The following P2RX5 variants were observed in gnomAD, a reference collection of about 807,000 sequenced individuals.
P2RX5 encodes the protein P2X purinoceptor 5.
In P2RX5, 46 loss-of-function variants were observed where a neutral mutation model predicts 54.1. That is an observed-to-expected ratio of 0.85 (90% CI 0.67 to 1.09). P2RX5 has a LOEUF of 1.09. Ranked by LOEUF, P2RX5 falls within the 50% of genes least tolerant of loss-of-function variation. The pLI is 0.00. For missense variants in P2RX5, 566 were observed against 549.8 expected (o/e 1.03, Z -0.29); for synonymous variants, 226 against 226.4 (o/e 1.00, Z 0.02).
intron 11 of P2RX5, chr17:3,675,629 G>A: frequency 2.2e-6 from 2 of 892,160 alleles, no homozygotes; most frequent in Non-Finnish European, 2.7e-6. Context: ...TCAGCTCACT[G>A]CAACCTCTGC....
At chr17:3,683,729 C>CAAA (rs59622313) in intron 9 of P2RX5, among the ~76,000 whole-genome samples, 3 of 58,594 alleles carry the variant, frequency 5.1e-5, no homozygotes, top group African/African-American at 1.7e-4. Context: ...GACTCCGTCT[C>CAAA]AAAAAAAAAA....
chr17:3,718,273 T>G, the P2RX5 span: 6 of 152,366 alleles, frequency 3.9e-5, no homozygotes, highest in South Asian at 1.2e-3. Flanking sequence ...TGGAAACTGT[T>G]TCATCCCTGA....
At chr17:3,701,884 T>C in the P2RX5 span, among the ~76,000 whole-genome samples, 1 of 151,286 alleles carries the variant, frequency 6.6e-6, no homozygotes. Flanking sequence ...GCCTCCCAAA[T>C]AGCTGGGACT....
At chr17:3,716,833 G>A in the P2RX5 span, 1 of 1,261,892 alleles carries the variant, frequency 7.9e-7, no homozygotes, top group Non-Finnish European at 1.2e-6. Flanking sequence ...AATAAATCAG[G>A]TGAAGCAAAC....
At chr17:3,712,329 A>C in the P2RX5 span, among the ~76,000 whole-genome samples, 1 of 152,202 alleles carries the variant, frequency 6.6e-6, no homozygotes, top group Non-Finnish European at 1.5e-5. Context: ...GATGGTGCCC[A>C]ACAGCCTAGT....
chr17:3,713,785 A>AATAAAAT, the P2RX5 span, among the ~76,000 whole-genome samples: 1 of 152,094 alleles, frequency 6.6e-6, no homozygotes, highest in African/African-American at 2.4e-5. Flanking sequence ...AAAATTAAAA[A>AATAAAAT]ATAAATCGCA....
At chr17:3,674,188 G>T (rs535327376) in intron 11 of P2RX5, among the ~76,000 whole-genome samples, 10 of 152,330 alleles carry the variant, frequency 6.6e-5, no homozygotes, top group Admixed American at 2.0e-4. Context: ...GCGAGCGCCT[G>T]TAGTCCCAGC....
At chr17:3,675,385 C>G in intron 11 of P2RX5, 2 of 985,262 alleles carry the variant, frequency 2.0e-6, no homozygotes, top group Non-Finnish European at 2.4e-6. Context: ...TATGACTATC[C>G]TCAGGTTCTG....
intron 9 of P2RX5, 31 bp from the exon 10 acceptor site, chr17:3,682,009 C>T (rs755403005): frequency 6.7e-7 from 1 of 1,491,000 alleles, no homozygotes. Flanking sequence ...ATTCAGAATC[C>T]TAGACCTCTG....
rs1597693556 is a variant in P2RX5, at chr17:3,677,481, T to C, written c.1259+2109A>G. ...TCCAGTCCTTTCCTGGTTGCCTCCA[T>C]GGCCACCTTTAAATTTTATCCTTGG... On this transcript the variant is annotated intron_variant, in intron 11 of 11. Coordinates refer to ENST00000225328, the MANE Select transcript of P2RX5 (RefSeq NM_002561.4). 33 of 985,458 alleles carry C rather than the reference T, an allele frequency of 3.3e-5. 1 individual carries two copies. The South Asian group carries it at 1.5e-3, about 43-fold the overall frequency. The allele number at this position is 985,458 out of a possible 1,614,324, so 61.0% of individuals were successfully genotyped here.
chr17:3,701,759 TTG>T, the P2RX5 span, among the ~76,000 whole-genome samples: 135 of 121,808 alleles, frequency 1.1e-3, no homozygotes, highest in African/African-American at 3.3e-3. Context: ...TTTTTTTTTT[TTG>T]TTTTTTTTTT....
At chr17:3,707,731 C>T in the P2RX5 span, among the ~76,000 whole-genome samples, 1 of 152,066 alleles carries the variant, frequency 6.6e-6, no homozygotes, top group Non-Finnish European at 1.5e-5. Context: ...GCCCCCAGGA[C>T]TGCAACTGGC....
At chr17:3,700,534 A>G (rs1330675872), upstream of P2RX5, among the ~76,000 whole-genome samples, 1 of 57,178 alleles carries the variant, frequency 1.7e-5, no homozygotes, top group East Asian at 4.7e-4. Flanking sequence ...CTCTGGCTCG[A>G]AAAAAAAAAA....
intron 9 of P2RX5, among the ~76,000 whole-genome samples, chr17:3,684,576 T>C (rs912871342): frequency 1.3e-5 from 2 of 152,202 alleles, no homozygotes; most frequent in African/African-American, 4.8e-5. Flanking sequence ...CACTCCAGCC[T>C]GGGCAACAGA....
the P2RX5 span, chr17:3,716,601 A>G: frequency 1.3e-6 from 1 of 785,770 alleles, no homozygotes; most frequent in Non-Finnish European, 2.2e-6. Flanking sequence ...CAGCTGCTCT[A>G]AGTCAGAGGT....
chr17:3,704,258 A>G, the P2RX5 span, among the ~76,000 whole-genome samples: 51,181 of 151,978 alleles, frequency 0.34, 9,503 homozygotes, highest in South Asian at 0.58. Flanking sequence ...GGAGATTTGA[A>G]TCTCTCCTGG....
rs149082947 is a variant in P2RX5, at chr17:3,673,962, C to T, written c.1260-85G>A. 4.3e-5 allele frequency: 53 copies of T among 1,243,446 alleles called. No homozygotes were observed. In the East Asian group the frequency reaches 1.3e-3, roughly 30 times the overall value. 77.0% of individuals were successfully genotyped at this position (1,243,446 alleles called of 1,614,324 possible). A position where few individuals can be genotyped will look rare whatever the true frequency, so the allele number is the denominator to read the frequency against. On this transcript the variant is annotated intron_variant, in intron 11 of 11. Transcript: ENST00000225328. ...GGCAACCAGTGCCCAGGGAGAAGGG[C>T]CTTCCCAAGTCTGAAAAGAGCTACA... is the stretch of plus-strand genomic sequence containing the variant.
At chr17:3,683,063 A>C (rs2050330411) in intron 9 of P2RX5, among the ~76,000 whole-genome samples, 1 of 152,134 alleles carries the variant, frequency 6.6e-6, no homozygotes, top group African/African-American at 2.4e-5. Context: ...CAAACAAAAA[A>C]GGAAGATGAT....
At chr17:3,704,364 G>A in the P2RX5 span, among the ~76,000 whole-genome samples, 1 of 152,194 alleles carries the variant, frequency 6.6e-6, no homozygotes, top group African/African-American at 2.4e-5. Context: ...GACAAGAGTG[G>A]GCAGGGGTGG....
Sources: gnomAD v4.1 joint callset for allele counts (sites outside exome capture counted in the v4.1 genomes callset) on GRCh38, gnomAD v4.1.1 for gene constraint, MANE v1.5 for transcripts, NCBI Gene and HGNC (gene_info 2026-07-23, HGNC 2026-07-21) for gene names.